RTN1: variants seen among roughly 807,000 people sequenced by gnomAD.
RTN1 encodes reticulon-1.
RTN1 carries 25 observed loss-of-function variants against 65.5 expected under a neutral mutation model. The ratio of observed to expected loss-of-function variants is 0.38; its 90% confidence interval spans 0.28 to 0.53. RTN1 has a LOEUF of 0.53. Ranked by LOEUF, RTN1 falls within the 20% of genes least tolerant of loss-of-function variation. The pLI is 0.79. For missense variants in RTN1, 983 were observed against 1,025.4 expected (o/e 0.96, Z 0.57); for synonymous variants, 471 against 447.6 (o/e 1.05, Z -0.66).
intron 3 of RTN1, among the ~76,000 whole-genome samples, chr14:59,712,052 T>C (rs1160103366): frequency 6.6e-6 from 1 of 152,136 alleles, no homozygotes; most frequent in Non-Finnish European, 1.5e-5. Flanking sequence ...TGTAGCTGAA[T>C]AAAGGAAAGC....
intron 3 of RTN1, among the ~76,000 whole-genome samples, chr14:59,686,811 C>A (rs1431225549): frequency 6.6e-6 from 1 of 152,128 alleles, no homozygotes; most frequent in Non-Finnish European, 1.5e-5. Flanking sequence ...GAGGGAAAGA[C>A]GCTGGGAAAA....
At chr14:59,694,244 A>C (rs1566687927) in intron 3 of RTN1, among the ~76,000 whole-genome samples, 1 of 152,176 alleles carries the variant, frequency 6.6e-6, no homozygotes, top group Admixed American at 6.5e-5. Flanking sequence ...ATTCATGATA[A>C]ACTCTTAGTG....
intron 1 of RTN1, among the ~76,000 whole-genome samples, chr14:59,862,771 C>G (rs1256151713): frequency 1.3e-5 from 2 of 152,132 alleles, no homozygotes; most frequent in East Asian, 3.8e-4. Context: ...TCTAAGTGAG[C>G]CCCAAGGGCT....
At chr14:59,716,995 A>C (rs1394857977) in intron 3 of RTN1, among the ~76,000 whole-genome samples, 2 of 151,576 alleles carry the variant, frequency 1.3e-5, no homozygotes, top group African/African-American at 4.9e-5. Context: ...ACAAAAAAAA[A>C]AAAAAAAAGA....
At chr14:59,818,815 T>C (rs945519959) in intron 1 of RTN1, among the ~76,000 whole-genome samples, 4 of 152,238 alleles carry the variant, frequency 2.6e-5, no homozygotes, top group African/African-American at 9.6e-5. Flanking sequence ...ATCTGCAACC[T>C]CAGCGACATC....
Position 59,749,228 on chromosome 14 carries a change from C to CTA in RTN1, c.242-2749_242-2748dup, listed in dbSNP as rs1294784718. ...TATATATCTATATATATCTATATAT[C>CTA]TATATATATCTATATATATCTATAT... On this transcript the variant is annotated intron_variant, in intron 1 of 8. Coordinates refer to ENST00000267484, the MANE Select transcript of RTN1 (RefSeq NM_021136.3). 2.7e-3 allele frequency among the ~76,000 whole-genome samples: 104 copies of CTA among 38,626 alleles called. 5 individuals carry two copies. The highest frequency in any genetic ancestry group is 0.022 in the African/African-American group (91 of 4,172). 25.3% of individuals were successfully genotyped at this position (38,626 alleles called of 152,430 possible). A position where few individuals can be genotyped will look rare whatever the true frequency, so the allele number is the denominator to read the frequency against.
intron 3 of RTN1, among the ~76,000 whole-genome samples, chr14:59,714,058 ACT>A (rs1884479717): frequency 6.6e-6 from 1 of 152,124 alleles, no homozygotes; most frequent in South Asian, 2.1e-4. Flanking sequence ...ACATAGTGAA[ACT>A]CTGTCTCTAC....
chr14:59,810,636 G>A (rs1566734504), intron 1 of RTN1, among the ~76,000 whole-genome samples: 2 of 152,172 alleles, frequency 1.3e-5, no homozygotes, highest in Non-Finnish European at 2.9e-5. Flanking sequence ...TGCCTGGAGT[G>A]ATAAAAATAT....
chr14:59,614,260 G>T (rs1216850403), intron 3 of RTN1, among the ~76,000 whole-genome samples: 1 of 152,136 alleles, frequency 6.6e-6, no homozygotes, highest in Non-Finnish European at 1.5e-5. Flanking sequence ...TTGGGGATCT[G>T]TCTTTGCCTT....
chr14:59,655,151 T>C (rs1283964171), intron 3 of RTN1, among the ~76,000 whole-genome samples: 1 of 152,214 alleles, frequency 6.6e-6, no homozygotes, highest in Non-Finnish European at 1.5e-5. Context: ...ACTGTATATC[T>C]ATACACTAGC....
chr14:59,842,798 C>A (rs1298531429), intron 1 of RTN1, among the ~76,000 whole-genome samples: 2 of 152,170 alleles, frequency 1.3e-5, no homozygotes, highest in African/African-American at 4.8e-5. Context: ...TGAGATTCCA[C>A]TACACATCCA....
chr14:59,694,496 T>G (rs1223080746), intron 3 of RTN1, among the ~76,000 whole-genome samples: 2 of 152,164 alleles, frequency 1.3e-5, no homozygotes, highest in Admixed American at 6.5e-5. Flanking sequence ...TAACAAAGCA[T>G]AATTAAATAT....
intron 3 of RTN1, among the ~76,000 whole-genome samples, chr14:59,669,115 A>C (rs1883444871): frequency 1.3e-5 from 2 of 152,196 alleles, no homozygotes; most frequent in Non-Finnish European, 2.9e-5. Flanking sequence ...GTATATACCC[A>C]AAGGATTATA....
In RTN1 at chr14:59,754,675, G is replaced by A. The variant is rs1885599890; in HGVS notation, c.242-8194C>T. On this transcript the variant is annotated intron_variant, in intron 1 of 8. Coordinates refer to ENST00000267484, the MANE Select transcript of RTN1 (RefSeq NM_021136.3). ...CATCGAACACACTCAATAAATGAGA[G>A]CTGTTGATTTTCTTATTATCTTTAT... is the stretch of plus-strand genomic sequence containing the variant. 1.3e-5 allele frequency among the ~76,000 whole-genome samples: 2 copies of A among 152,182 alleles called. 1 individual carries two copies. The highest frequency in any genetic ancestry group is 4.1e-4 in the South Asian group (2 of 4,832).
chr14:59,611,864 G>C (rs1881961911), intron 3 of RTN1, among the ~76,000 whole-genome samples: 1 of 152,146 alleles, frequency 6.6e-6, no homozygotes, highest in African/African-American at 2.4e-5. Context: ...ATGTGGAAGG[G>C]ATCTCAGAGA....
chr14:59,718,524 A>G (rs1468833399), intron 3 of RTN1, among the ~76,000 whole-genome samples: 1 of 152,050 alleles, frequency 6.6e-6, no homozygotes, highest in East Asian at 1.9e-4. Context: ...ATCCCTACCT[A>G]TCTCACTAAG....
chr14:59,840,848 A>C (rs1887298930), intron 1 of RTN1, among the ~76,000 whole-genome samples: 1 of 152,196 alleles, frequency 6.6e-6, no homozygotes, highest in Non-Finnish European at 1.5e-5. Flanking sequence ...ACTTACGTGG[A>C]AATTTCACCA....
At chr14:59,857,910 T>C (rs1887636399) in intron 1 of RTN1, among the ~76,000 whole-genome samples, 1 of 152,192 alleles carries the variant, frequency 6.6e-6, no homozygotes, top group Non-Finnish European at 1.5e-5. Flanking sequence ...CTCACTTCCT[T>C]GTCATCATCC....
intron 3 of RTN1, among the ~76,000 whole-genome samples, chr14:59,648,020 T>TA (rs1882937646): frequency 6.6e-6 from 1 of 151,956 alleles, no homozygotes; most frequent in Non-Finnish European, 1.5e-5. Flanking sequence ...TTGAAAAACA[T>TA]TAATAAGGTA....
Sources: allele counts gnomAD v4.1 joint callset (sites outside exome capture counted in the v4.1 genomes callset), GRCh38; gene constraint gnomAD v4.1.1; transcripts MANE v1.5; gene names NCBI Gene and HGNC (gene_info 2026-07-23, HGNC 2026-07-21).